The following SMOC2 variants were observed in gnomAD, a reference collection of about 807,000 sequenced individuals.
SMOC2 encodes SPARC-related modular calcium-binding protein 2.
In SMOC2, 39 loss-of-function variants were observed where a neutral mutation model predicts 61.4. That is an observed-to-expected ratio of 0.64 (90% CI 0.49 to 0.83). The LOEUF is 0.83. SMOC2 is among the 40% of genes least tolerant of loss of function. The pLI is 0.00. For missense variants in SMOC2, 556 were observed against 592.9 expected, an observed-to-expected ratio of 0.94 and a Z score of 0.65; for synonymous variants, 247 against 239.9, an observed-to-expected ratio of 1.03 and a Z score of -0.27.
At chr6:168,575,111 C>G (rs1278943753) in intron 7 of SMOC2, among the ~76,000 whole-genome samples, 2 of 152,152 alleles carry the variant, frequency 1.3e-5, no homozygotes, top group Admixed American at 6.5e-5. Flanking sequence ...AAGGTTTGTG[C>G]GAAGCGCTGG....
chr6:168,530,424 T>C (rs1783560950), intron 4 of SMOC2, among the ~76,000 whole-genome samples: 1 of 152,022 alleles, frequency 6.6e-6, no homozygotes, highest in African/African-American at 2.4e-5. Flanking sequence ...AATCAGATAA[T>C]ATAATGAGAC....
In SMOC2 at chr6:168,553,619, G is replaced by T. The variant is rs1383558118; in HGVS notation, c.637+4416G>T. Among the ~76,000 whole-genome samples the T allele has an allele frequency of 1.3e-5, 2 of 152,110 alleles. No individual in the cohort carries two copies. Among genetic ancestry groups the T allele is most frequent in the African/African-American group, 4.8e-5 (2 of 41,400 alleles). ...CTCTTCATGAATTACCAACACCAAGGTGCTTAGGGTTTCATGACCCATTCA... is the reference window on the plus strand; with the variant it reads ...CTCTTCATGAATTACCAACACCAAGTTGCTTAGGGTTTCATGACCCATTCA... On this transcript the variant is annotated intron_variant, in intron 7 of 12. Transcript: ENST00000356284. The surrounding 1 kb of genome is among the most constrained non-coding windows in gnomAD (Gnocchi z 4.2).
At chr6:168,648,431 C>T (rs993336153) in intron 9 of SMOC2, among the ~76,000 whole-genome samples, 1 of 152,206 alleles carries the variant, frequency 6.6e-6, no homozygotes, top group Admixed American at 6.5e-5. Flanking sequence ...TTGTTTTTCT[C>T]ATTTCCCTTC....
intron 2 of SMOC2, among the ~76,000 whole-genome samples, chr6:168,521,992 C>T (rs553259809): frequency 1.3e-5 from 2 of 152,180 alleles, no homozygotes; most frequent in African/African-American, 4.8e-5. Context: ...ACAAAATTCA[C>T]ATAAGAAAGT....
chr6:168,469,301 A>G (rs1042850894), intron 1 of SMOC2, among the ~76,000 whole-genome samples: 2 of 152,192 alleles, frequency 1.3e-5, no homozygotes, highest in Non-Finnish European at 2.9e-5. Flanking sequence ...GAACCCCTGG[A>G]GGGTCTCAGA....
chr6:168,595,571 T>C (rs1244326968), intron 7 of SMOC2, among the ~76,000 whole-genome samples: 1 of 152,174 alleles, frequency 6.6e-6, no homozygotes, highest in Non-Finnish European at 1.5e-5. Context: ...CATCAGTTTG[T>C]TTAAAGATCT....
At chr6:168,630,596 A>G (rs1423288752) in intron 9 of SMOC2, among the ~76,000 whole-genome samples, 2 of 152,222 alleles carry the variant, frequency 1.3e-5, no homozygotes, top group African/African-American at 2.4e-5. Flanking sequence ...GAAAAGGATA[A>G]CAGCAATGTT....
At chr6:168,515,989 G>A (rs1047204172) in intron 2 of SMOC2, among the ~76,000 whole-genome samples, 2 of 152,194 alleles carry the variant, frequency 1.3e-5, no homozygotes, top group Non-Finnish European at 2.9e-5. Context: ...TGGAGTGGGC[G>A]CTGGCTAGTG....
At position 168,549,322 on chromosome 6, in the gene SMOC2, G is replaced by A. The variant is rs1784078477; in HGVS notation, c.637+119G>A. ...TGACCCTTGAACAACATGGGGGTGA[G>A]GGGTGCAGACCTGGCACAAACATCT... On this transcript the variant is annotated intron_variant, in intron 7 of 12. Transcript: ENST00000356284. 8.1e-6 allele frequency: 7 copies of A among 866,210 alleles called. No individual in the cohort carries two copies. In the South Asian group the frequency reaches 1.1e-4, roughly 13 times the overall value. The allele number at this position is 866,210 out of a possible 1,614,324, so 53.7% of individuals were successfully genotyped here. A position where few individuals can be genotyped will look rare whatever the true frequency, so the allele number is the denominator to read the frequency against.
intron 1 of SMOC2, among the ~76,000 whole-genome samples, chr6:168,471,118 T>G (rs2115013493): frequency 6.6e-6 from 1 of 152,348 alleles, no homozygotes; most frequent in East Asian, 1.9e-4. Context: ...GTAAGCATTT[T>G]AAGTGTGTGG....
chr6:168,504,395 AT>A (rs1447140878), intron 1 of SMOC2, among the ~76,000 whole-genome samples: 2 of 149,590 alleles, frequency 1.3e-5, no homozygotes, highest in Admixed American at 1.3e-4. Context: ...AGATGGTCCC[AT>A]CTTGGGGAGA....
intron 9 of SMOC2, among the ~76,000 whole-genome samples, chr6:168,616,981 C>G (rs1786111763): frequency 6.6e-6 from 1 of 152,182 alleles, no homozygotes; most frequent in Non-Finnish European, 1.5e-5. Flanking sequence ...TCAGCGCTTG[C>G]CTTTTCTCCT....
chr6:168,578,705 G>T (rs1784860410), intron 7 of SMOC2, among the ~76,000 whole-genome samples: 1 of 152,228 alleles, frequency 6.6e-6, no homozygotes, highest in African/African-American at 2.4e-5. Context: ...AAATGGCAAA[G>T]ACCTAACGTA....
chr6:168,548,968 G>A (rs780635136), intron 6 of SMOC2, among the ~76,000 whole-genome samples, 161 bp from the exon 7 acceptor site: 3 of 152,136 alleles, frequency 2.0e-5, no homozygotes, highest in Admixed American at 6.5e-5. Flanking sequence ...ATTTCCTTTC[G>A]TCTGAGGCAT....
At position 168,472,258 on chromosome 6, in the gene SMOC2, T is replaced by G. The variant is rs141624309; in HGVS notation, c.84+30804T>G. ...AGGTAAGGGTCCAACTTCGTTGTTTTGCATGTGGATACCCAGTTTTCCGAA... is the reference window on the plus strand; with the variant it reads ...AGGTAAGGGTCCAACTTCGTTGTTTGGCATGTGGATACCCAGTTTTCCGAA... On this transcript the variant is annotated intron_variant, in intron 1 of 12. Coordinates refer to ENST00000356284, the MANE Select transcript of SMOC2 (RefSeq NM_001166412.2). 3.8e-3 allele frequency among the ~76,000 whole-genome samples: 576 copies of G among 151,148 alleles called. 2 individuals are homozygous for G. The highest frequency in any genetic ancestry group is 0.013 in the African/African-American group (555 of 41,502).
chr6:168,522,187 C>T (rs527934656), intron 2 of SMOC2, among the ~76,000 whole-genome samples: 16 of 152,174 alleles, frequency 1.1e-4, no homozygotes, highest in African/African-American at 3.6e-4. Context: ...CAGATGGTTA[C>T]AACAGTGTAA....
chr6:168,563,625 G>C (rs1784474725), intron 7 of SMOC2, among the ~76,000 whole-genome samples: 1 of 152,102 alleles, frequency 6.6e-6, no homozygotes, highest in Non-Finnish European at 1.5e-5. Context: ...TGAGGGCAAT[G>C]GGATTAGTGC....
At chr6:168,478,075 A>G (rs866022154) in intron 1 of SMOC2, among the ~76,000 whole-genome samples, 1 of 152,184 alleles carries the variant, frequency 6.6e-6, no homozygotes, top group African/African-American at 2.4e-5. Flanking sequence ...CCATGCTCTG[A>G]CAGTCCCTTT....
chr6:168,533,530 A>C (rs1012215797), intron 4 of SMOC2, among the ~76,000 whole-genome samples: 1 of 152,222 alleles, frequency 6.6e-6, no homozygotes, highest in African/African-American at 2.4e-5. Flanking sequence ...GATCACCCAG[A>C]ATAATTAAAT....
Sources: allele counts gnomAD v4.1 joint callset (sites outside exome capture counted in the v4.1 genomes callset), GRCh38; gene constraint gnomAD v4.1.1; non-coding constraint Gnocchi (gnomAD v3.1); transcripts MANE v1.5; gene names NCBI Gene and HGNC (gene_info 2026-07-23, HGNC 2026-07-21).